MACROD2: variants seen among roughly 807,000 people sequenced by gnomAD.
MACROD2 encodes the protein mono-ADP ribosylhydrolase 2, also known as ADP-ribose glycohydrolase MACROD2.
MACROD2 carries 36 observed loss-of-function variants against 70.4 expected under a neutral mutation model. The ratio of observed to expected loss-of-function variants is 0.51; its 90% CI spans 0.39 to 0.68. MACROD2 has a LOEUF of 0.68. Among genes scored for constraint, MACROD2 ranks in the 30% least tolerant of loss-of-function variants. The pLI is 0.00. For missense variants in MACROD2, 496 were observed against 538.4 expected (o/e 0.92, Z 0.78); for synonymous variants, 172 against 178.8 (o/e 0.96, Z 0.30).
At chr20:15,665,330 C>A (rs1433792000) in intron 8 of MACROD2, among the ~76,000 whole-genome samples, 1 of 152,196 alleles carries the variant, frequency 6.6e-6, no homozygotes, top group African/African-American at 2.4e-5. Context: ...ATATTGTAGT[C>A]GGTACCTTGG....
At chr20:15,658,060 C>G (rs928429700) in intron 8 of MACROD2, among the ~76,000 whole-genome samples, 5 of 152,082 alleles carry the variant, frequency 3.3e-5, no homozygotes, top group African/African-American at 9.7e-5. Flanking sequence ...TTTTCTTAAC[C>G]TTTATTTTCT....
intron 4 of MACROD2, among the ~76,000 whole-genome samples, chr20:14,590,543 T>C (rs957639367): frequency 6.6e-6 from 1 of 152,132 alleles, no homozygotes; most frequent in Non-Finnish European, 1.5e-5. Context: ...GAAAAGAACA[T>C]ACAAATCCAG....
At chr20:14,310,864 A>T (rs895987742) in intron 3 of MACROD2, among the ~76,000 whole-genome samples, 7 of 151,560 alleles carry the variant, frequency 4.6e-5, no homozygotes, top group Non-Finnish European at 7.4e-5. Flanking sequence ...AAATGAGTTA[A>T]TTTTTTTTTA....
intron 5 of MACROD2, among the ~76,000 whole-genome samples, chr20:14,944,035 T>G (rs1327648461): frequency 6.6e-6 from 1 of 152,200 alleles, no homozygotes; most frequent in African/African-American, 2.4e-5. Flanking sequence ...TCGTATACAT[T>G]TCTGTAATTA....
intron 5 of MACROD2, among the ~76,000 whole-genome samples, chr20:14,948,781 C>G (rs570615870): frequency 1.3e-5 from 2 of 152,300 alleles, no homozygotes; most frequent in African/African-American, 4.8e-5. Flanking sequence ...AAGGCTATGT[C>G]AAGTGCCTAG....
intron 6 of MACROD2, among the ~76,000 whole-genome samples, chr20:15,256,485 G>A (rs1453084963): frequency 3.3e-5 from 5 of 151,678 alleles, no homozygotes; most frequent in Non-Finnish European, 7.4e-5. Flanking sequence ...AATAAAGTGA[G>A]TATTGTTTTA....
chr20:14,747,614 C>A (rs2071815942), intron 5 of MACROD2, among the ~76,000 whole-genome samples: 1 of 152,062 alleles, frequency 6.6e-6, no homozygotes, highest in African/African-American at 2.4e-5. Flanking sequence ...AGAAATAGCT[C>A]ATTTTTTCTG....
At chr20:14,327,579 A>T in intron 3 of MACROD2, 1 of 1,474,380 alleles carries the variant, frequency 6.8e-7, no homozygotes, top group East Asian at 2.3e-5. Context: ...GTGAGTAAAA[A>T]AAGACAGAAA....
rs957252554 is a variant in MACROD2 at position 14,371,165 on chromosome 20, C to T, written c.272-122314C>T. Among the ~76,000 whole-genome samples the T allele has an allele frequency of 2.4e-4, 36 of 151,916 alleles. 3 individuals carry two copies. Among genetic ancestry groups the T allele is most frequent in the Admixed American group, 2.0e-3 (31 of 15,248 alleles). ...TACTTAAAATAGAAAAATTTTAGGC[C>T]AACTTAATTTTTTGTAAGTTTTATA... On this transcript the variant is annotated intron_variant, in intron 3 of 17. Coordinates refer to ENST00000684519, the MANE Select transcript of MACROD2 (RefSeq NM_001351661.2).
chr20:15,521,015 G>A (rs1600527986), intron 8 of MACROD2, among the ~76,000 whole-genome samples: 1 of 152,248 alleles, frequency 6.6e-6, no homozygotes, highest in East Asian at 1.9e-4. Context: ...TAAACCACAG[G>A]GAAGGGACAG....
chr20:15,622,216 A>T (rs1271874749), intron 8 of MACROD2, among the ~76,000 whole-genome samples: 1 of 152,218 alleles, frequency 6.6e-6, no homozygotes, highest in African/African-American at 2.4e-5. Context: ...AATGACTTCA[A>T]ACTCATTGTT....
At chr20:15,130,972 A>T (rs553241713) in intron 5 of MACROD2, among the ~76,000 whole-genome samples, 1 of 152,074 alleles carries the variant, frequency 6.6e-6, no homozygotes, top group African/African-American at 2.4e-5. Context: ...CAGAGAGGAG[A>T]TGGCAAAACT....
At chr20:15,049,260 A>G (rs2075419908) in intron 5 of MACROD2, among the ~76,000 whole-genome samples, 1 of 151,954 alleles carries the variant, frequency 6.6e-6, no homozygotes, top group Non-Finnish European at 1.5e-5. Flanking sequence ...AAAGCATTGC[A>G]AGGAGAGAGA....
intron 4 of MACROD2, among the ~76,000 whole-genome samples, chr20:14,519,415 A>G (rs1308232131): frequency 6.6e-6 from 1 of 152,178 alleles, no homozygotes; most frequent in Non-Finnish European, 1.5e-5. Flanking sequence ...AAAGGACTGA[A>G]CAGGCACTTT....
At chr20:14,995,252 A>C (rs1340556849) in intron 5 of MACROD2, among the ~76,000 whole-genome samples, 1 of 152,170 alleles carries the variant, frequency 6.6e-6, no homozygotes, top group Non-Finnish European at 1.5e-5. Context: ...TTACTTGAAA[A>C]TAAAACTTGT....
At chr20:14,269,524 A>G (rs2082172769) in intron 3 of MACROD2, among the ~76,000 whole-genome samples, 1 of 152,204 alleles carries the variant, frequency 6.6e-6, no homozygotes, top group Non-Finnish European at 1.5e-5. Flanking sequence ...TCTTAGCAAC[A>G]TAAATAAGAA....
intron 4 of MACROD2, among the ~76,000 whole-genome samples, chr20:14,648,151 G>T (rs2123504748): frequency 6.6e-6 from 1 of 152,186 alleles, no homozygotes. Flanking sequence ...TGGTAATACA[G>T]GTCAGGATTA....
chr20:14,326,839 T>C lies in MACROD2; in HGVS notation c.272-166640T>C, dbSNP rs1235627519. The C allele has an allele frequency of 6.2e-7, 1 of 1,613,738 alleles. No homozygotes were observed. Among genetic ancestry groups the C allele is most frequent in the East Asian group, 2.2e-5 (1 of 44,842 alleles). ...GGACAGCTCTGTCAAATTAACTAGG[T>C]TGAAGAAAACTTTGTCACCTAAACC... On this transcript the variant is annotated intron_variant, in intron 3 of 17. Transcript: ENST00000684519. The surrounding 1 kb of genome is among the most constrained non-coding windows in gnomAD (Gnocchi z 5.5).
At chr20:15,339,413 CTGGT>C (rs2078083444) in intron 6 of MACROD2, among the ~76,000 whole-genome samples, 4 of 151,842 alleles carry the variant, frequency 2.6e-5, no homozygotes, top group Admixed American at 2.0e-4. Context: ...TACTCATTGA[CTGGT>C]AAGTCATAAG....
Sources: gnomAD v4.1 joint callset for allele counts (sites outside exome capture counted in the v4.1 genomes callset) on GRCh38, gnomAD v4.1.1 for gene constraint, Gnocchi (gnomAD v3.1) non-coding constraint, MANE v1.5 for transcripts, NCBI Gene and HGNC (gene_info 2026-07-23, HGNC 2026-07-21) for gene names.